Variants in CD55 observed in about 807,000 individuals in gnomAD.
CD55 encodes complement decay-accelerating factor.
In CD55, 41 loss-of-function variants were observed where a neutral mutation model predicts 45.8. That is an observed-to-expected ratio of 0.90 (90% CI 0.70 to 1.16). The LOEUF (loss-of-function observed/expected upper bound fraction) is 1.16, where lower values mean the gene tolerates loss of function less well. Ranked by LOEUF, CD55 falls within the 50% of genes most tolerant of loss-of-function variation. CD55 has a pLI of 0.00. For synonymous variants in CD55, 181 were observed against 181.1 expected (o/e 1.00, Z 0.01); for missense variants, 416 against 469.8 (o/e 0.89, Z 1.06).
chr1:207,333,684 C>A (rs1052899738), intron 6 of CD55, among the ~76,000 whole-genome samples: 12 of 152,104 alleles, frequency 7.9e-5, no homozygotes, highest in Non-Finnish European at 1.6e-4. Context: ...AAGAGAACTT[C>A]AGTTGGAATC....
chr1:207,357,269 A>G (rs1208114038), intron 9 of CD55, among the ~76,000 whole-genome samples: 1 of 152,144 alleles, frequency 6.6e-6, no homozygotes, highest in Non-Finnish European at 1.5e-5. Context: ...ATAGTAAGAC[A>G]TAACTTTTTC....
At chr1:207,335,164 A>G (rs936727414) in intron 6 of CD55, among the ~76,000 whole-genome samples, 3 of 140,888 alleles carry the variant, frequency 2.1e-5, no homozygotes, top group Non-Finnish European at 4.7e-5. Context: ...GACAGAAAAA[A>G]TAGACAAATA....
At chr1:207,323,047 A>T (rs1047978502) in intron 2 of CD55, among the ~76,000 whole-genome samples, 1 of 152,078 alleles carries the variant, frequency 6.6e-6, no homozygotes. Context: ...GTCATGATCA[A>T]TCAGGGTAAT....
At chr1:207,341,758 C>CT (rs1259086252) in intron 9 of CD55, among the ~76,000 whole-genome samples, 54 of 148,706 alleles carry the variant, frequency 3.6e-4, no homozygotes, top group South Asian at 3.0e-3. Flanking sequence ...CATTTTAGGA[C>CT]TTTTTTTTTT....
Position 207,355,198 on chromosome 1 carries a change from A to G in CD55, c.1082-4348A>G, listed in dbSNP as rs1438783789. Among the ~76,000 whole-genome samples the G allele has an allele frequency of 2.0e-5, 3 of 152,180 alleles. No homozygotes were observed. The South Asian group carries it at 6.2e-4, about 32-fold the overall frequency. ...GGCAGTGCAATTGTACAGTGTCTCT[A>G]TTTTGCTGATTTGGAGCCAAATACA... On this transcript the variant is annotated intron_variant, in intron 9 of 9. Coordinates refer to ENST00000367064, the MANE Select transcript of CD55 (RefSeq NM_000574.5).
chr1:207,350,574 T>C (rs1655826604), intron 9 of CD55, among the ~76,000 whole-genome samples: 1 of 152,218 alleles, frequency 6.6e-6, no homozygotes, highest in Non-Finnish European at 1.5e-5. Context: ...TCTTCCTGGT[T>C]CAATCTTAGG....
chr1:207,322,509 G>A lies in CD55; in HGVS notation c.228G>A (p.Lys76=), dbSNP rs373306908. 1.8e-5 allele frequency: 29 copies of A among 1,614,094 alleles called. No individual in the cohort carries two copies. In the African/African-American group the frequency reaches 3.7e-4, roughly 21 times the overall value. Residue 76 remains lysine, a synonymous_variant, in exon 2 of 10, where the codon AAG becomes AAA. Coordinates refer to ENST00000367064, the MANE Select transcript of CD55 (RefSeq NM_000574.5). ...GCTTTGTGAAAATTCCTGGCGAGAAGGACTCAGTGATCTGCCTTAAGGGCA... is the reference window on the plus strand; with the variant it reads ...GCTTTGTGAAAATTCCTGGCGAGAAAGACTCAGTGATCTGCCTTAAGGGCA... The part of the protein sequence containing the change: ...EESFVKIPGE[K]DSVICLKGSQ...
At chr1:207,345,378 G>A (rs1655590918) in intron 9 of CD55, among the ~76,000 whole-genome samples, 1 of 151,750 alleles carries the variant, frequency 6.6e-6, no homozygotes, top group Non-Finnish European at 1.5e-5. Context: ...AGTATATTAT[G>A]TATTTCATCA....
chr1:207,346,494 G>C (rs1655645342), intron 9 of CD55, among the ~76,000 whole-genome samples: 1 of 152,162 alleles, frequency 6.6e-6, no homozygotes, highest in African/African-American at 2.4e-5. Flanking sequence ...CTGTGCTGTG[G>C]ACCAGCTACT....
intron 9 of CD55, among the ~76,000 whole-genome samples, chr1:207,357,569 G>A (rs1004218483): frequency 6.7e-6 from 1 of 149,932 alleles, no homozygotes; most frequent in African/African-American, 2.5e-5. Flanking sequence ...CTGGGCGGGG[G>A]AGGGCGGAGG....
In CD55 at chr1:207,346,888, T is replaced by C. The variant is rs1011837905; in HGVS notation, c.1081+7471T>C. On this transcript the variant is annotated intron_variant, in intron 9 of 9. Transcript: ENST00000367064. ...ATGTTAGATCTAGAGCCTACGAGAA[T>C]CAAGGGACTCCTGTAGCTAGGATTG... 5.3e-4 allele frequency among the ~76,000 whole-genome samples: 80 copies of C among 152,238 alleles called. 1 individual carries two copies. The highest frequency in any genetic ancestry group is 7.4e-5 in the Non-Finnish European group (5 of 67,990).
chr1:207,321,921 C>A, intron 1 of CD55, 56 bp downstream of exon 1: 4 of 1,308,794 alleles, frequency 3.1e-6, no homozygotes, highest in South Asian at 1.4e-5. Context: ...AGGTCCAAGT[C>A]GGTCTCTGAG....
At chr1:207,329,193 G>A (rs1328934636) in intron 5 of CD55, among the ~76,000 whole-genome samples, 1 of 152,222 alleles carries the variant, frequency 6.6e-6, no homozygotes, top group Non-Finnish European at 1.5e-5. Flanking sequence ...TGGAGGAGAA[G>A]TCGTAGGACA....
intron 8 of CD55, 161 bp downstream of exon 8, chr1:207,337,570 T>C: frequency 2.2e-6 from 1 of 451,516 alleles, no homozygotes; most frequent in Non-Finnish European, 3.9e-6. Context: ...ACTTGGATTG[T>C]ACTAGGGCAA....
At chr1:207,339,349 C>G (rs1655318550) in intron 8 of CD55, 48 bp from the exon 9 acceptor site, 2 of 1,510,306 alleles carry the variant, frequency 1.3e-6, no homozygotes, top group East Asian at 2.3e-5. Flanking sequence ...AAATCAATGA[C>G]TTTAACAAAT....
At chr1:207,348,727 A>G (rs1001421411) in intron 9 of CD55, among the ~76,000 whole-genome samples, 1 of 152,208 alleles carries the variant, frequency 6.6e-6, no homozygotes, top group African/African-American at 2.4e-5. Flanking sequence ...TCTTTAATCC[A>G]TATTGAGTTG....
rs1340920299 is a variant in CD55 at position 207,321,876 on chromosome 1, G to A, written c.100+11G>A. On this transcript the variant is annotated intron_variant, in intron 1 of 9. Coordinates refer to ENST00000367064, the MANE Select transcript of CD55 (RefSeq NM_000574.5). ...TGCCGGCCGTGTGGGGTGAGTAGGGGCCCGGCGGCCGGGGAAGCCCCTGGG... is the reference window on the plus strand; with the variant it reads ...TGCCGGCCGTGTGGGGTGAGTAGGGACCCGGCGGCCGGGGAAGCCCCTGGG... The A allele has an allele frequency of 8.6e-6, 13 of 1,510,750 alleles. No individual in the cohort carries two copies. The highest frequency in any genetic ancestry group is 1.1e-5 in the Non-Finnish European group (13 of 1,133,168). The allele number at this position is 1,510,750 out of a possible 1,614,324, so 93.6% of individuals were successfully genotyped here. A position where few individuals can be genotyped will look rare whatever the true frequency, so the allele number is the denominator to read the frequency against.
intron 9 of CD55, chr1:207,340,547 T>C: frequency 4.3e-6 from 3 of 699,004 alleles, no homozygotes; most frequent in East Asian, 5.4e-5. Flanking sequence ...TTGAAATTTA[T>C]TTTTTGTAGA....
chr1:207,357,299 T>G (rs1257006636), intron 9 of CD55, among the ~76,000 whole-genome samples: 1 of 151,898 alleles, frequency 6.6e-6, no homozygotes, highest in Non-Finnish European at 1.5e-5. Flanking sequence ...ATCAGAAACG[T>G]TTTAGGAATG....
Sources: gnomAD v4.1 joint callset for allele counts (sites outside exome capture counted in the v4.1 genomes callset) on GRCh38, gnomAD v4.1.1 for gene constraint, MANE v1.5 for transcripts, NCBI Gene and HGNC (gene_info 2026-07-23, HGNC 2026-07-21) for gene names.